Variants in PTPN14 observed in about 807,000 individuals in gnomAD.
The protein encoded by PTPN14 is protein tyrosine phosphatase non-receptor type 14, also known as tyrosine-protein phosphatase non-receptor type 14.
Under a neutral mutation model 126.8 loss-of-function variants are expected in PTPN14, and 53 were observed. That is an observed-to-expected ratio of 0.42 (90% CI 0.34 to 0.53). PTPN14 has a LOEUF of 0.53. PTPN14 is among the 20% of genes least tolerant of loss of function. PTPN14 has a pLI of 0.08. For missense variants in PTPN14, 1,257 were observed against 1,552.9 expected, an observed-to-expected ratio of 0.81 and a Z score of 3.20; for synonymous variants, 630 against 599.3, an observed-to-expected ratio of 1.05 and a Z score of -0.75.
rs57429060 is a variant in PTPN14, at chr1:214,364,766, AGTGT to A, written c.3272-95_3272-92del. 0.12 allele frequency: 69,753 copies of A among 589,564 alleles called. 1,647 individuals are homozygous for A. The highest frequency in any genetic ancestry group is 0.19 in the Middle Eastern group (375 of 1,972). 36.5% of individuals were successfully genotyped at this position (589,564 alleles called of 1,614,324 possible). A position where few individuals can be genotyped will look rare whatever the true frequency, so the allele number is the denominator to read the frequency against. ...GGGGAGCGGAAGAGAACTGATGGTG[AGTGT>A]GTGTGTGTGTGTGTGTGTGTGTGTG... On this transcript the variant is annotated intron_variant, in intron 17 of 18. Transcript: ENST00000366956. This position sits in a 1 kb window ranked among gnomAD's most constrained non-coding sequence, Gnocchi z 4.1.
In PTPN14 at chr1:214,536,445, A is replaced by ATTTTTTT. The variant is rs1281746829; in HGVS notation, c.-155+14737_-155+14738insAAAAAAA. Among the ~76,000 whole-genome samples, 137 of 152,226 alleles carry ATTTTTTT rather than the reference A, an allele frequency of 9.0e-4. 1 individual carries two copies. Among genetic ancestry groups the ATTTTTTT allele is most frequent in the African/African-American group, 3.2e-3 (134 of 41,564 alleles). ...TAGTTTTTTAAAAAATATTAAGAGG[A>ATTTTTTT]TTTATAGTATATCAATTGTAAAGAT... is the stretch of plus-strand genomic sequence containing the variant. On this transcript the variant is annotated intron_variant, in intron 1 of 18. Coordinates refer to ENST00000366956, the MANE Select transcript of PTPN14 (RefSeq NM_005401.5).
chr1:214,367,873 T>C (rs907954879), intron 17 of PTPN14, among the ~76,000 whole-genome samples: 3 of 152,222 alleles, frequency 2.0e-5, no homozygotes, highest in Admixed American at 2.0e-4. Context: ...GTGTCATCTC[T>C]GCATTCTCAG....
chr1:214,524,637 G>A (rs1655343698), intron 1 of PTPN14, among the ~76,000 whole-genome samples: 1 of 152,104 alleles, frequency 6.6e-6, no homozygotes, highest in Non-Finnish European at 1.5e-5. Flanking sequence ...GGACAACAAA[G>A]AGAGACCCTA....
At chr1:214,485,795 A>G (rs1048154767) in intron 1 of PTPN14, among the ~76,000 whole-genome samples, 11 of 150,812 alleles carry the variant, frequency 7.3e-5, no homozygotes, top group Non-Finnish European at 1.5e-4. Flanking sequence ...GCGCGATCTC[A>G]GCTCACTGCA....
At position 214,374,237 on chromosome 1, in the gene PTPN14, C is replaced by G. The variant is rs1353315394; in HGVS notation, c.2908-1398G>C. On this transcript the variant is annotated intron_variant, in intron 15 of 18. Transcript: ENST00000366956. Reference sequence around the variant, plus strand: ...TTTATTTGATAAAACTGTATGCTAACTTGGTTCAAACAAAAACAATGTAAG... The same window carrying G: ...TTTATTTGATAAAACTGTATGCTAAGTTGGTTCAAACAAAAACAATGTAAG... 2.6e-5 allele frequency among the ~76,000 whole-genome samples: 4 copies of G among 152,146 alleles called. No individual in the cohort carries two copies. The East Asian group carries it at 7.7e-4, about 29-fold the overall frequency.
At chr1:214,402,524 A>C (rs1368428713) in intron 6 of PTPN14, among the ~76,000 whole-genome samples, 1 of 150,066 alleles carries the variant, frequency 6.7e-6, no homozygotes, top group African/African-American at 2.5e-5. Flanking sequence ...TGCTTCCTTG[A>C]ATTAAAGTTT....
At chr1:214,546,748 G>A (rs1655979922) in intron 1 of PTPN14, among the ~76,000 whole-genome samples, 1 of 152,044 alleles carries the variant, frequency 6.6e-6, no homozygotes, top group Admixed American at 6.6e-5. Flanking sequence ...TAGTCCTCGG[G>A]GTCAAACTAA....
chr1:214,410,780 T>A (rs1263164880), intron 5 of PTPN14, among the ~76,000 whole-genome samples: 2 of 152,208 alleles, frequency 1.3e-5, no homozygotes, highest in Non-Finnish European at 2.9e-5. Context: ...GTGATTTACT[T>A]CTGGGTGTTC....
chr1:214,491,479 C>A (rs74142722), intron 1 of PTPN14, among the ~76,000 whole-genome samples: 2 of 152,128 alleles, frequency 1.3e-5, no homozygotes, highest in Non-Finnish European at 2.9e-5. Context: ...ACCGTTGGAC[C>A]TCAGATCATC....
intron 1 of PTPN14, among the ~76,000 whole-genome samples, chr1:214,518,009 T>C (rs139649252): frequency 0.013 from 2,047 of 152,214 alleles, 46 homozygotes; most frequent in African/African-American, 0.045. Flanking sequence ...ACTTAAAATA[T>C]AAAAAACTTA....
At chr1:214,489,243 CATGTT>C (rs1661179856) in intron 1 of PTPN14, among the ~76,000 whole-genome samples, 1 of 152,150 alleles carries the variant, frequency 6.6e-6, no homozygotes, top group Non-Finnish European at 1.5e-5. Context: ...TACTTATCCT[CATGTT>C]ATGGGTGACG....
intron 1 of PTPN14, among the ~76,000 whole-genome samples, chr1:214,524,755 C>T (rs1436259926): frequency 6.6e-6 from 1 of 152,126 alleles, no homozygotes; most frequent in Non-Finnish European, 1.5e-5. Flanking sequence ...TCAGACTATG[C>T]TCCTCTCCAG....
chr1:214,445,306 T>C (rs559901221), intron 3 of PTPN14, among the ~76,000 whole-genome samples: 1 of 152,220 alleles, frequency 6.6e-6, no homozygotes, highest in South Asian at 2.1e-4. Context: ...TGTACGACAG[T>C]GTACTAAAAT....
chr1:214,527,405 C>A (rs1410446487), intron 1 of PTPN14, among the ~76,000 whole-genome samples: 1 of 152,120 alleles, frequency 6.6e-6, no homozygotes, highest in Non-Finnish European at 1.5e-5. Context: ...TCATTCTTAA[C>A]CCAAAAGGCC....
intron 17 of PTPN14, among the ~76,000 whole-genome samples, chr1:214,365,115 A>G (rs1178696676): frequency 6.6e-6 from 1 of 152,106 alleles, no homozygotes; most frequent in Non-Finnish European, 1.5e-5. Flanking sequence ...GTGGGGAGAG[A>G]GCATCCATCT....
At chr1:214,438,732 T>G (rs959030924) in intron 3 of PTPN14, among the ~76,000 whole-genome samples, 1 of 152,228 alleles carries the variant, frequency 6.6e-6, no homozygotes, top group Non-Finnish European at 1.5e-5. Context: ...TCTTCCCCTA[T>G]GTTTCTGGTT....
chr1:214,374,748 GA>G (rs1309326692), intron 15 of PTPN14, among the ~76,000 whole-genome samples: 2 of 152,356 alleles, frequency 1.3e-5, no homozygotes, highest in East Asian at 3.9e-4. Context: ...GGGCCACAGA[GA>G]ATACCAAGGA....
chr1:214,537,584 A>T (rs1655739171), intron 1 of PTPN14, among the ~76,000 whole-genome samples: 1 of 152,228 alleles, frequency 6.6e-6, no homozygotes, highest in Admixed American at 6.5e-5. Flanking sequence ...CACTGGACAA[A>T]GCACTTGCAC....
intron 1 of PTPN14, among the ~76,000 whole-genome samples, chr1:214,508,718 T>C (rs1224668704): frequency 6.6e-6 from 1 of 152,200 alleles, no homozygotes; most frequent in Non-Finnish European, 1.5e-5. Flanking sequence ...GGAAACACTA[T>C]CTACGGCAGC....
Sources: gnomAD v4.1 joint callset for allele counts (sites outside exome capture counted in the v4.1 genomes callset) on GRCh38, gnomAD v4.1.1 for gene constraint, Gnocchi (gnomAD v3.1) non-coding constraint, MANE v1.5 for transcripts, NCBI Gene and HGNC (gene_info 2026-07-23, HGNC 2026-07-21) for gene names.